Variants in SDK1 observed in about 807,000 individuals in gnomAD.
The protein encoded by SDK1 is protein sidekick-1.
A neutral mutation model predicts 245.5 loss-of-function variants in SDK1; 157 were observed. The ratio of observed to expected loss-of-function variants is 0.64; its 90% confidence interval spans 0.56 to 0.73. SDK1 has a LOEUF of 0.73. Among genes scored for constraint, SDK1 ranks in the 30% least tolerant of loss-of-function variants. The probability of loss-of-function intolerance (pLI) is 0.00; values close to 1 mark genes in which losing one functional copy is unlikely to be tolerated. For missense variants in SDK1, 3,583 were observed against 3,002.3 expected, an observed-to-expected ratio of 1.19 and a Z score of -4.52; for synonymous variants, 1,647 against 1,278.5, an observed-to-expected ratio of 1.29 and a Z score of -6.15.
At chr7:4,008,289 C>A (rs1479270462) in intron 14 of SDK1, among the ~76,000 whole-genome samples, 1 of 152,228 alleles carries the variant, frequency 6.6e-6, no homozygotes, top group African/African-American at 2.4e-5. Flanking sequence ...ATTCATCCAT[C>A]GGTGGGCAGT....
At chr7:4,204,582 G>A (rs1038534213) in intron 35 of SDK1, among the ~76,000 whole-genome samples, 2 of 152,194 alleles carry the variant, frequency 1.3e-5, no homozygotes, top group Non-Finnish European at 2.9e-5. Flanking sequence ...TCCCAAGAAG[G>A]CCTCTCCAGA....
At chr7:3,718,966 C>CT (rs1785284689) in intron 4 of SDK1, among the ~76,000 whole-genome samples, 1 of 152,170 alleles carries the variant, frequency 6.6e-6, no homozygotes, top group Non-Finnish European at 1.5e-5. Context: ...CATCACGTTT[C>CT]TATATAATAA....
chr7:3,859,303 G>A (rs1195724816), intron 5 of SDK1, among the ~76,000 whole-genome samples: 4 of 152,140 alleles, frequency 2.6e-5, no homozygotes, highest in Non-Finnish European at 4.4e-5. Flanking sequence ...CTCCTCCTGG[G>A]GGGCCTTTGC....
At chr7:3,509,697 G>T (rs918114690) in intron 1 of SDK1, among the ~76,000 whole-genome samples, 1 of 152,164 alleles carries the variant, frequency 6.6e-6, no homozygotes, top group Non-Finnish European at 1.5e-5. Context: ...TCTGTTTAAT[G>T]TCACAGGGCA....
At chr7:3,840,949 G>C (rs539138204) in intron 5 of SDK1, among the ~76,000 whole-genome samples, 45 of 152,278 alleles carry the variant, frequency 3.0e-4, no homozygotes, top group Admixed American at 2.4e-3. Context: ...ACTTCAGATG[G>C]CTCTGAGCCT....
At chr7:4,052,179 C>G (rs200981938) in intron 19 of SDK1, among the ~76,000 whole-genome samples, 21 of 123,870 alleles carry the variant, frequency 1.7e-4, no homozygotes, top group African/African-American at 4.5e-4. Context: ...CCCCCCCCCC[C>G]CGACGTCCCC....
chr7:3,453,204 G>A (rs1331170666), intron 1 of SDK1, among the ~76,000 whole-genome samples: 2 of 152,176 alleles, frequency 1.3e-5, no homozygotes, highest in Non-Finnish European at 2.9e-5. Context: ...CAGAGCCAGT[G>A]CCTTGCACTG....
chr7:3,461,002 C>G (rs1400431125), intron 1 of SDK1, among the ~76,000 whole-genome samples: 1 of 152,156 alleles, frequency 6.6e-6, no homozygotes, highest in Non-Finnish European at 1.5e-5. Flanking sequence ...CCATACATAT[C>G]TGACTTGGAA....
rs377029192 is a variant in SDK1, at chr7:3,848,674, C to CTT, written c.847+27102_847+27103dup. 3.5e-4 allele frequency among the ~76,000 whole-genome samples: 52 copies of CTT among 146,482 alleles called. 1 individual carries two copies. The highest frequency in any genetic ancestry group is 1.3e-3 in the African/African-American group (51 of 40,162). ...TGCAATGACTATAGAGTTGTCTTTT[C>CTT]TTTTTTTTTTTTCTGAGACAGTGTA... On this transcript the variant is annotated intron_variant, in intron 5 of 44. Transcript: ENST00000404826.
intron 5 of SDK1, among the ~76,000 whole-genome samples, chr7:3,915,716 C>A (rs933433835): frequency 6.6e-6 from 1 of 152,138 alleles, no homozygotes; most frequent in African/African-American, 2.4e-5. Flanking sequence ...CTGTGGCTGA[C>A]TCCAAGTTGT....
At chr7:3,403,842 T>TATATATATATATATATATATATATATA (rs1395800415) in intron 1 of SDK1, among the ~76,000 whole-genome samples, 1 of 80,734 alleles carries the variant, frequency 1.2e-5, no homozygotes, top group African/African-American at 9.9e-5. Context: ...TATATATATA[T>TATATATATATATATATATATATATATA]ATATATATAT....
At chr7:3,739,316 A>T (rs1779410768) in intron 4 of SDK1, among the ~76,000 whole-genome samples, 1 of 152,184 alleles carries the variant, frequency 6.6e-6, no homozygotes, top group African/African-American at 2.4e-5. Flanking sequence ...GCTTACATAT[A>T]CAGACCATTG....
intron 35 of SDK1, among the ~76,000 whole-genome samples, chr7:4,193,156 TATATATTAAAATATTTATATATTGTATAA>T (rs563524512): frequency 7.6e-6 from 1 of 131,006 alleles, no homozygotes; most frequent in African/African-American, 3.0e-5. Flanking sequence ...ATTTATATAA[TATATATTAAAATATTTATATATTGTATAA>T]ATATATTAAT....
At chr7:3,403,845 AT>A (rs1285069848) in intron 1 of SDK1, among the ~76,000 whole-genome samples, 10 of 93,660 alleles carry the variant, frequency 1.1e-4, no homozygotes, top group African/African-American at 6.5e-4. Context: ...ATATATATAT[AT>A]ATATATATAT....
At chr7:4,168,717 T>G in intron 32 of SDK1, among the ~76,000 whole-genome samples, 1 of 152,260 alleles carries the variant, frequency 6.6e-6, no homozygotes, top group East Asian at 1.9e-4. Flanking sequence ...CTCGAGCTGC[T>G]GCAGGTCTAT....
chr7:3,938,645 C>CTAAAAAAAAAAAAAAA (rs1780246992), intron 5 of SDK1, among the ~76,000 whole-genome samples: 1 of 90,594 alleles, frequency 1.1e-5, no homozygotes, highest in African/African-American at 5.4e-5. Flanking sequence ...GACTCCGTCT[C>CTAAAAAAAAAAAAAAA]AAAAAAAAAA....
chr7:3,404,867 T>A lies in SDK1; in HGVS notation c.298+102983T>A, dbSNP rs556008786. 7.9e-5 allele frequency among the ~76,000 whole-genome samples: 12 copies of A among 152,272 alleles called. No homozygotes were observed. In the South Asian group the frequency reaches 2.3e-3, roughly 29 times the overall value. ...AAGTTTAAAATAATGTAATGTTAAT[T>A]TTGTGCTCTGTAATGTATATCGTAA... On this transcript the variant is annotated intron_variant, in intron 1 of 44. Transcript: ENST00000404826.
intron 1 of SDK1, among the ~76,000 whole-genome samples, chr7:3,439,002 G>A (rs1780113953): frequency 6.6e-6 from 1 of 151,800 alleles, no homozygotes. Flanking sequence ...ACTGTTGCCT[G>A]CTACCACGCC....
intron 16 of SDK1, among the ~76,000 whole-genome samples, chr7:4,013,769 T>A (rs1786167292): frequency 1.3e-5 from 2 of 152,160 alleles, no homozygotes; most frequent in African/African-American, 4.8e-5. Flanking sequence ...AAATGGGCCA[T>A]CCCCAGGGGT....
Sources: allele counts gnomAD v4.1 joint callset (sites outside exome capture counted in the v4.1 genomes callset), GRCh38; gene constraint gnomAD v4.1.1; transcripts MANE v1.5; gene names NCBI Gene and HGNC (gene_info 2026-07-23, HGNC 2026-07-21).